Variants in FAM171A2 observed in about 807,000 individuals in gnomAD.
The protein encoded by FAM171A2 is protein FAM171A2.
A neutral mutation model predicts 34.2 loss-of-function variants in FAM171A2; 13 were observed. The observed-to-expected ratio is 0.38, with a 90% confidence interval of 0.25 to 0.60. The LOEUF (loss-of-function observed/expected upper bound fraction) is 0.60. FAM171A2 is among the 20% of genes least tolerant of loss of function. FAM171A2 has a pLI of 0.62. For missense variants in FAM171A2, 950 were observed against 1,180.7 expected (o/e 0.80, Z 2.86); for synonymous variants, 475 against 561.2 (o/e 0.85, Z 2.17).
intron 2 of FAM171A2, 66 bp from the exon 3 acceptor site, chr17:44,359,737 T>TACC: frequency 1.3e-6 from 1 of 780,454 alleles, no homozygotes; most frequent in South Asian, 2.1e-5. Flanking sequence ...AGGCACCCCC[T>TACC]CCATCTGAGT....
intron 3 of FAM171A2, among the ~76,000 whole-genome samples, chr17:44,357,758 T>TGTGTGTGTGTG (rs61464829): frequency 1.3e-4 from 19 of 148,972 alleles, no homozygotes; most frequent in South Asian, 4.2e-4. Flanking sequence ...TGTGTGTGTG[T>TGTGTGTGTGTG]TGGGGTGGAG....
intron 1 of FAM171A2, among the ~76,000 whole-genome samples, chr17:44,361,897 C>CT (rs1168075667): frequency 6.6e-6 from 1 of 152,054 alleles, no homozygotes; most frequent in Non-Finnish European, 1.5e-5. Context: ...TTCGGAGAAG[C>CT]TAGAAGGTCC....
chr17:44,354,741 G>T lies in FAM171A2; in HGVS notation c.1473C>A (p.Ala491=), dbSNP rs2048412549. The change falls in exon 8 of 8, where the codon GCC becomes GCA. Residue 491 remains alanine, a synonymous_variant. Coordinates refer to ENST00000293443, the MANE Select transcript of FAM171A2 (RefSeq NM_198475.3). This position sits in a 1 kb window ranked among gnomAD's most constrained non-coding sequence, Gnocchi z 5.8. ...GCAGGAAGTCGGGGGTCTTGCCCTC[G>T]GCCGCCCCCTTGTGGCCCAGGTAGT... ...FDHYLGHKGA[A]EGKTPDFLLS... 7 of 1,310,562 alleles carry T rather than the reference G, an allele frequency of 5.3e-6. No homozygotes were observed. In the South Asian group the frequency reaches 7.8e-5, roughly 15 times the overall value. The allele number at this position is 1,310,562 out of a possible 1,614,324, so 81.2% of individuals were successfully genotyped here.
At position 44,355,228 on chromosome 17, in the gene FAM171A2, G is replaced by T. The variant is rs928754337; in HGVS notation, c.1023-37C>A. ...GGAGCAGAAGGGGCCGCTCAGGAAA[G>T]GGTGAGGGCCAAAGTAGGCCCCGAA... On this transcript the variant is annotated intron_variant, in intron 7 of 7. Transcript: ENST00000293443. This position sits in a 1 kb window ranked among gnomAD's most constrained non-coding sequence, Gnocchi z 4.1. The T allele has an allele frequency of 6.5e-7, 1 of 1,546,358 alleles. No homozygotes were observed. The highest frequency in any genetic ancestry group is 8.7e-7 in the Non-Finnish European group (1 of 1,145,460).
At position 44,354,240 on chromosome 17, in the gene FAM171A2, G is replaced by T; in HGVS notation, c.1974C>A (p.Leu658=). ...KPHPRAWFVS[L]DGRSNSQVRH... ...GCACTTGCGAGTTGGAGCGCCCGTCGAGGGACACGAACCAGGCGCGCGGGT... is the reference window on the plus strand; with the variant it reads ...GCACTTGCGAGTTGGAGCGCCCGTCTAGGGACACGAACCAGGCGCGCGGGT... Residue 658 remains leucine, a synonymous_variant, in exon 8 of 8, where the codon CTC becomes CTA. Coordinates refer to ENST00000293443, the MANE Select transcript of FAM171A2 (RefSeq NM_198475.3). The surrounding 1 kb of genome is among the most constrained non-coding windows in gnomAD (Gnocchi z 5.8). The T allele has an allele frequency of 6.9e-7, 1 of 1,454,892 alleles. No individual in the cohort carries two copies. 90.1% of individuals were successfully genotyped at this position (1,454,892 alleles called of 1,614,324 possible).
Position 44,353,266 on chromosome 17 carries a change from T to C in FAM171A2, c.*467A>G. The C allele has an allele frequency of 4.0e-6, 1 of 248,752 alleles. No individual in the cohort carries two copies. The highest frequency in any genetic ancestry group is 4.9e-5 in the South Asian group (1 of 20,448). 15.4% of individuals were successfully genotyped at this position (248,752 alleles called of 1,614,324 possible). ...GCTGCCCACATCGGCTGTATCACAT[T>C]ACCCCCTAGTCCCCAGAGCTGTCCC... is the stretch of plus-strand genomic sequence containing the variant. On this transcript the variant is annotated 3_prime_UTR_variant, in exon 8 of 8. Coordinates refer to ENST00000293443, the MANE Select transcript of FAM171A2 (RefSeq NM_198475.3).
At chr17:44,356,401 A>G (rs1031811018) in intron 4 of FAM171A2, 29 bp downstream of exon 4, 3 of 1,547,698 alleles carry the variant, frequency 1.9e-6, no homozygotes, top group Non-Finnish European at 2.6e-6. Context: ...GCCTGGGGAG[A>G]CCCCATCCGT....
chr17:44,357,544 G>T (rs1395178534), intron 3 of FAM171A2, among the ~76,000 whole-genome samples: 2 of 152,126 alleles, frequency 1.3e-5, no homozygotes, highest in South Asian at 4.1e-4. Context: ...CTACTCGGGA[G>T]GCTGAGGCAG....
chr17:44,362,628 G>T (rs2048452477), intron 1 of FAM171A2, among the ~76,000 whole-genome samples: 2 of 152,230 alleles, frequency 1.3e-5, no homozygotes, highest in African/African-American at 4.8e-5. Context: ...GTCCAGGCCT[G>T]CCTGTGGGAT....
Position 44,354,629 on chromosome 17 carries a change from T to G in FAM171A2, c.1585A>C (p.Lys529Gln), listed in dbSNP as rs1598367859. 1 of 1,287,564 alleles carries G rather than the reference T, an allele frequency of 7.8e-7. No homozygotes were observed. Among genetic ancestry groups the G allele is most frequent in the African/African-American group, 1.6e-5 (1 of 64,510 alleles). 79.8% of individuals were successfully genotyped at this position (1,287,564 alleles called of 1,614,324 possible). The change falls in exon 8 of 8, where the codon AAG becomes CAG. Residue 529 changes from lysine (K) to glutamine (Q), a missense_variant. By Grantham distance (53) the Lys-to-Gln change is moderately conservative. Around this residue, in one of 3 missense-constraint regions of FAM171A2, gnomAD observed 752 missense variants for 924.5 expected, o/e 0.81. Transcript: ENST00000293443. The surrounding 1 kb of genome is among the most constrained non-coding windows in gnomAD (Gnocchi z 5.8). The part of the protein sequence containing the change: ...LIFCGSIDHL[K>Q]DNVYRNVMPT... ...ATGACGTTGCGGTAGACGTTGTCCTTGAGGTGGTCGATGGAGCCGCAGAAG... is the reference window on the plus strand; with the variant it reads ...ATGACGTTGCGGTAGACGTTGTCCTGGAGGTGGTCGATGGAGCCGCAGAAG...
intron 2 of FAM171A2, 75 bp from the exon 3 acceptor site, chr17:44,359,746 G>C: frequency 7.3e-7 from 1 of 1,361,348 alleles, no homozygotes; most frequent in South Asian, 1.3e-5. Context: ...CTCCATCTGA[G>C]TCCCAGAGGC....
In FAM171A2 at chr17:44,353,929, C is replaced by G; in HGVS notation, c.2285G>C (p.Arg762Pro). The change falls in exon 8 of 8, where the codon CGG (arginine) becomes CCG (proline). Residue 762 changes from arginine to proline, a missense_variant. By Grantham distance (103) the Arg-to-Pro change is moderately radical (BLOSUM62 -2). This residue lies in a region of FAM171A2 where 191 missense variants were observed against 222.8 expected (regional missense o/e 0.86). Coordinates refer to ENST00000293443, the MANE Select transcript of FAM171A2 (RefSeq NM_198475.3). ...LLDEVAAPEG[R>P]AATVPRGRGR... is the part of the protein sequence containing the mutation. The stretch of plus-strand genomic sequence containing the variant: ...CCGCCCCCGGGGTACCGTGGCCGCC[C>G]GGCCCTCGGGCGCCGCCACCTCGTC... 2 of 1,295,864 alleles carry G rather than the reference C, an allele frequency of 1.5e-6. No individual in the cohort carries two copies. The highest frequency in any genetic ancestry group is 1.9e-6 in the Non-Finnish European group (2 of 1,027,594). The allele number at this position is 1,295,864 out of a possible 1,614,324, so 80.3% of individuals were successfully genotyped here.
rs1191297084 is a variant in FAM171A2 at position 44,353,809 on chromosome 17, C to T, written c.2405G>A (p.Gly802Asp). ...GCTCTTCTTGTCTCCCGCCTCGTCG[C>T]CCACCTCCGCCCCCAGCTCGTCCTC... ...SPEDELGAEV[G>D]DEAGDKKSPW... Residue 802 changes from glycine (G) to aspartate (D), a missense_variant, in exon 8 of 8, where the codon GGC (glycine) becomes GAC (aspartate). Around this residue, in one of 3 missense-constraint regions of FAM171A2, gnomAD observed 191 missense variants for 222.8 expected, o/e 0.86. Coordinates refer to ENST00000293443, the MANE Select transcript of FAM171A2 (RefSeq NM_198475.3). 1.4e-6 allele frequency: 2 copies of T among 1,428,384 alleles called. No individual in the cohort carries two copies. The highest frequency in any genetic ancestry group is 1.3e-5 in the South Asian group (1 of 74,346). 88.5% of individuals were successfully genotyped at this position (1,428,384 alleles called of 1,614,324 possible).
At position 44,354,330 on chromosome 17, in the gene FAM171A2, C is replaced by A; in HGVS notation, c.1884G>T (p.Ala628=). 1 of 1,442,006 alleles carries A rather than the reference C, an allele frequency of 6.9e-7. No individual in the cohort carries two copies. Among genetic ancestry groups the A allele is most frequent in the Non-Finnish European group, 9.2e-7 (1 of 1,086,284 alleles). The allele number at this position is 1,442,006 out of a possible 1,614,324, so 89.3% of individuals were successfully genotyped here. A position where few individuals can be genotyped will look rare whatever the true frequency, so the allele number is the denominator to read the frequency against. The change falls in exon 8 of 8, where the codon GCG becomes GCT. Residue 628 remains alanine, a synonymous_variant. Transcript: ENST00000293443. The surrounding 1 kb of genome is among the most constrained non-coding windows in gnomAD (Gnocchi z 5.8). ...IPVLFNESTM[A]QLNGELQALT... ...GGGCCTGCAGCTCCCCGTTGAGCTGCGCCATGGTGGACTCGTTGAATAGCA... is the reference window on the plus strand; with the variant it reads ...GGGCCTGCAGCTCCCCGTTGAGCTGAGCCATGGTGGACTCGTTGAATAGCA...
chr17:44,354,271 T>C lies in FAM171A2; in HGVS notation c.1943A>G (p.Lys648Arg). 1 of 1,454,924 alleles carries C rather than the reference T, an allele frequency of 6.9e-7. No homozygotes were observed. Among genetic ancestry groups the C allele is most frequent in the Non-Finnish European group, 9.1e-7 (1 of 1,097,016 alleles). The allele number at this position is 1,454,924 out of a possible 1,614,324, so 90.1% of individuals were successfully genotyped here. A position where few individuals can be genotyped will look rare whatever the true frequency, so the allele number is the denominator to read the frequency against. ...CACGAACCAGGCGCGCGGGTGCGGC[T>C]TCACGCCCAGTTCCAGCAGCTTCTT... ...TEKKLLELGV[K>R]PHPRAWFVSL... The change falls in exon 8 of 8, where the codon AAG (lysine) becomes AGG (arginine). Residue 648 changes from lysine to arginine, a missense_variant. This residue lies in a region of FAM171A2 where 752 missense variants were observed against 924.5 expected (regional missense o/e 0.81). Coordinates refer to ENST00000293443, the MANE Select transcript of FAM171A2 (RefSeq NM_198475.3). This position sits in a 1 kb window ranked among gnomAD's most constrained non-coding sequence, Gnocchi z 5.8.
In FAM171A2 at chr17:44,355,654, T is replaced by G. The variant is rs1366033189; in HGVS notation, c.1022+61A>C. 5.8e-6 allele frequency: 9 copies of G among 1,546,074 alleles called. No homozygotes were observed. The highest frequency in any genetic ancestry group is 1.4e-5 in the African/African-American group (1 of 72,918). ...GAGGACCAGAAGTGGATTTTATGCA[T>G]CTTTGGGGCCCCAGGGCCCGGTACA... is the stretch of plus-strand genomic sequence containing the variant. On this transcript the variant is annotated intron_variant, in intron 7 of 7. Coordinates refer to ENST00000293443, the MANE Select transcript of FAM171A2 (RefSeq NM_198475.3). The surrounding 1 kb of genome is among the most constrained non-coding windows in gnomAD (Gnocchi z 4.1).
Position 44,356,313 on chromosome 17 carries a change from A to ACAG in FAM171A2, c.635_637dup (p.Ala212dup). 6 of 1,549,710 alleles carry ACAG rather than the reference A, an allele frequency of 3.9e-6. No homozygotes were observed. The highest frequency in any genetic ancestry group is 5.2e-6 in the Non-Finnish European group (6 of 1,145,796). ...ATTACCTGTCAGCAGGTGCACGCTC[A>ACAG]CAGCAGTCAGGGGCATCAGCTCCAG... is the stretch of plus-strand genomic sequence containing the variant. On this transcript the variant is annotated inframe_insertion, in exon 5 of 8. Coordinates refer to ENST00000293443, the MANE Select transcript of FAM171A2 (RefSeq NM_198475.3).
Position 44,355,791 on chromosome 17 carries a change from T to C in FAM171A2, c.946A>G (p.Ile316Val). 2 of 1,551,828 alleles carry C rather than the reference T, an allele frequency of 1.3e-6. No individual in the cohort carries two copies. Among genetic ancestry groups the C allele is most frequent in the Non-Finnish European group, 1.7e-6 (2 of 1,147,038 alleles). Residue 316 changes from isoleucine (I) to valine (V), a missense_variant, in exon 7 of 8, where the codon ATC becomes GTC. This residue lies in a region of FAM171A2 where 752 missense variants were observed against 924.5 expected (regional missense o/e 0.81). Transcript: ENST00000293443. The surrounding 1 kb of genome is among the most constrained non-coding windows in gnomAD (Gnocchi z 4.1). ...GIQDIGTYHT[I>V]FLLTILAALA... ...GCTGCCAGGATGGTGAGCAAGAAGA[T>C]GGTGTGGTAGGTGCCGATGTCCTGG... is the stretch of plus-strand genomic sequence containing the variant.
chr17:44,355,034 G>C lies in FAM171A2; in HGVS notation c.1180C>G (p.Pro394Ala). 6.5e-7 allele frequency: 1 copy of C among 1,535,038 alleles called. No individual in the cohort carries two copies. Among genetic ancestry groups the C allele is most frequent in the Non-Finnish European group, 8.8e-7 (1 of 1,140,324 alleles). ...AAGGCCGAGTGGAGGGGGCCTGGAG[G>C]CGGAGCCTCGGGGTCCCCCGACGGG... ...PAPSGDPEAPPPGPLHSAFSS... is the reference protein window; with the variant it reads ...PAPSGDPEAPAPGPLHSAFSS... Residue 394 changes from proline to alanine, a missense_variant, in exon 8 of 8, where the codon CCT becomes GCT. By Grantham distance (27) the Pro-to-Ala change is conservative. Coordinates refer to ENST00000293443, the MANE Select transcript of FAM171A2 (RefSeq NM_198475.3). The surrounding 1 kb of genome is among the most constrained non-coding windows in gnomAD (Gnocchi z 4.1).
Sources: allele counts gnomAD v4.1 joint callset (sites outside exome capture counted in the v4.1 genomes callset), GRCh38; gene constraint gnomAD v4.1.1; regional missense constraint gnomAD v4.1.1; non-coding constraint Gnocchi (gnomAD v3.1); transcripts MANE v1.5; gene names NCBI Gene and HGNC (gene_info 2026-07-23, HGNC 2026-07-21).